PCBP3: variants seen among roughly 807,000 people sequenced by gnomAD.
PCBP3 encodes the protein poly(rC) binding protein 3.
Under a neutral mutation model 52.7 loss-of-function variants are expected in PCBP3, and 25 were observed. That is an observed-to-expected ratio of 0.47 (90% CI 0.35 to 0.66). The LOEUF is 0.66. Among genes scored for constraint, PCBP3 ranks in the 30% least tolerant of loss-of-function variants. The pLI is 0.01. For synonymous variants in PCBP3, 162 were observed against 183.0 expected (o/e 0.89, Z 0.93); for missense variants, 391 against 490.3 (o/e 0.80, Z 1.91).
At chr21:45,764,661 A>AG (rs1210744030) in intron 4 of PCBP3, among the ~76,000 whole-genome samples, 1 of 152,228 alleles carries the variant, frequency 6.6e-6, no homozygotes, top group Non-Finnish European at 1.5e-5. Context: ...AGCTGTGCTT[A>AG]GGAGTACACC....
intron 4 of PCBP3, among the ~76,000 whole-genome samples, chr21:45,815,671 T>G (rs1328405001): frequency 2.7e-4 from 5 of 18,524 alleles, no homozygotes; most frequent in Admixed American, 5.8e-4. Context: ...TGGTGAGTGA[T>G]GAGTGAGTGG....
At chr21:45,882,497 G>T (rs1417786503) in intron 5 of PCBP3, among the ~76,000 whole-genome samples, 5 of 151,844 alleles carry the variant, frequency 3.3e-5, no homozygotes, top group Non-Finnish European at 7.4e-5. Context: ...TCACTCTGTT[G>T]TTTGCTGTGC....
At chr21:45,796,959 T>G (rs2091949148) in intron 4 of PCBP3, among the ~76,000 whole-genome samples, 1 of 152,256 alleles carries the variant, frequency 6.6e-6, no homozygotes, top group Admixed American at 6.5e-5. Flanking sequence ...GAGGGCTTAA[T>G]CAATGAATTT....
chr21:45,921,809 A>G (rs774854305), intron 13 of PCBP3, among the ~76,000 whole-genome samples: 7 of 151,352 alleles, frequency 4.6e-5, no homozygotes, highest in Non-Finnish European at 1.0e-4. Flanking sequence ...ACAGAACGAG[A>G]CCCGTTTCAA....
intron 4 of PCBP3, among the ~76,000 whole-genome samples, chr21:45,783,860 A>G (rs904577777): frequency 2.0e-5 from 3 of 152,238 alleles, no homozygotes; most frequent in Non-Finnish European, 2.9e-5. Flanking sequence ...TTGGGGAGCC[A>G]TCAGTTATTC....
chr21:45,861,436 C>T (rs2094506625), intron 5 of PCBP3, among the ~76,000 whole-genome samples: 1 of 152,154 alleles, frequency 6.6e-6, no homozygotes. Context: ...TGGGCCCTTG[C>T]CAGCCTGGGT....
intron 9 of PCBP3, among the ~76,000 whole-genome samples, chr21:45,906,629 A>T (rs117988827): frequency 0.015 from 2,308 of 151,306 alleles, 26 homozygotes; most frequent in Non-Finnish European, 0.024. Flanking sequence ...CAGCGTCAAG[A>T]CCCTTACCCG....
intron 5 of PCBP3, chr21:45,858,976 T>A (rs1207797729): frequency 6.6e-6 from 1 of 152,608 alleles, no homozygotes; most frequent in African/African-American, 2.4e-5. Flanking sequence ...CCACCATGAT[T>A]GTGAGGCCTC....
intron 5 of PCBP3, among the ~76,000 whole-genome samples, chr21:45,873,655 G>T (rs1022392935): frequency 2.6e-5 from 4 of 152,188 alleles, no homozygotes; most frequent in Non-Finnish European, 4.4e-5. Flanking sequence ...TTATTCACCT[G>T]CCCGTGCAGG....
intron 4 of PCBP3, among the ~76,000 whole-genome samples, chr21:45,814,809 A>G (rs1356929838): frequency 2.5e-4 from 15 of 59,234 alleles, no homozygotes; most frequent in East Asian, 6.1e-4. Context: ...GTGAGTGGTG[A>G]GTGAGTGGTG....
chr21:45,906,399 G>A (rs1219294926), intron 9 of PCBP3, among the ~76,000 whole-genome samples: 2 of 147,708 alleles, frequency 1.4e-5, no homozygotes, highest in African/African-American at 2.5e-5. Context: ...GGTAGGAGCC[G>A]TAGGGGTGGG....
At chr21:45,715,256 A>C (rs575426874) in intron 2 of PCBP3, among the ~76,000 whole-genome samples, 1 of 152,298 alleles carries the variant, frequency 6.6e-6, no homozygotes, top group East Asian at 1.9e-4. Context: ...CTTCGGTGGT[A>C]TCTGCAAGCA....
At chr21:45,702,740 A>G (rs78510266) in intron 2 of PCBP3, among the ~76,000 whole-genome samples, 2,188 of 152,320 alleles carry the variant, frequency 0.014, 60 homozygotes, top group African/African-American at 0.05. Flanking sequence ...TCTGAAAATA[A>G]GACAACACTA....
At chr21:45,910,814 G>A (rs989337097) in intron 10 of PCBP3, 88 bp from the exon 11 acceptor site, 55 of 1,349,768 alleles carry the variant, frequency 4.1e-5, no homozygotes, top group South Asian at 5.5e-5. Context: ...AGTGTCCCCC[G>A]AGCTGCCTTG....
intron 5 of PCBP3, among the ~76,000 whole-genome samples, chr21:45,857,989 C>G (rs533898979): frequency 1.3e-5 from 2 of 152,308 alleles, no homozygotes; most frequent in Non-Finnish European, 2.9e-5. Context: ...CAGGCCTCCC[C>G]CATTCCCACA....
At chr21:45,899,718 G>A (rs1015690365) in intron 7 of PCBP3, 96 bp downstream of exon 7, 4 of 886,270 alleles carry the variant, frequency 4.5e-6, no homozygotes, top group African/African-American at 3.3e-5. Context: ...CCCAGTAGGT[G>A]CGCCTTTCCC....
Position 45,878,428 on chromosome 21 carries a change from C to T in PCBP3, c.11-17780C>T, listed in dbSNP as rs534569902. ...AAGCCCTGGAGATCACAGAGAGGGG[C>T]GAGTTTGAAAAGGGGATTTCATGAA... On this transcript the variant is annotated intron_variant, in intron 5 of 17. Transcript: ENST00000681687. Among the ~76,000 whole-genome samples the T allele has an allele frequency of 1.8e-4, 28 of 152,322 alleles. 1 individual carries two copies. Among genetic ancestry groups the T allele is most frequent in the South Asian group, 4.1e-4 (2 of 4,832 alleles).
chr21:45,885,673 G>T (rs913380705), intron 5 of PCBP3, among the ~76,000 whole-genome samples: 4 of 152,010 alleles, frequency 2.6e-5, no homozygotes, highest in African/African-American at 9.7e-5. Context: ...CTCTGTTATG[G>T]TTCTTTCTAG....
At chr21:45,799,111 A>G (rs985598904) in intron 4 of PCBP3, among the ~76,000 whole-genome samples, 11 of 152,174 alleles carry the variant, frequency 7.2e-5, no homozygotes, top group African/African-American at 2.7e-4. Flanking sequence ...ATGGATGTGT[A>G]CATGGTTGAA....
Sources: gnomAD v4.1 joint callset for allele counts (sites outside exome capture counted in the v4.1 genomes callset) on GRCh38, gnomAD v4.1.1 for gene constraint, MANE v1.5 for transcripts, NCBI Gene and HGNC (gene_info 2026-07-23, HGNC 2026-07-21) for gene names.